TAF12: variants seen among roughly 807,000 people sequenced by gnomAD.
TAF12 encodes transcription initiation factor TFIID subunit 12.
In TAF12, 3 loss-of-function variants were observed where a neutral mutation model predicts 20.8. The ratio of observed to expected loss-of-function variants is 0.14; its 90% CI spans 0.07 to 0.37. The LOEUF is 0.37. Ranked by LOEUF, TAF12 falls within the 10% of genes least tolerant of loss-of-function variation. The pLI is 1.00. For missense variants in TAF12, 131 were observed against 197.9 expected (o/e 0.66, Z 2.03); for synonymous variants, 69 against 70.2 (o/e 0.98, Z 0.09).
chr1:28,626,302 G>C (rs1667389259), intron 1 of TAF12, among the ~76,000 whole-genome samples: 1 of 151,816 alleles, frequency 6.6e-6, no homozygotes, highest in African/African-American at 2.4e-5. Flanking sequence ...TTTTAGGGCT[G>C]GGCACAGTGG....
intron 5 of TAF12, among the ~76,000 whole-genome samples, chr1:28,603,908 CT>C (rs199949896): frequency 1.5e-3 from 215 of 143,532 alleles, no homozygotes; most frequent in Admixed American, 1.8e-3. Context: ...TTCTTTCTTT[CT>C]TTTTTTTTTT....
rs375486407 is a variant in TAF12, at chr1:28,639,707, A to G, written c.-85+3285T>C. Among the ~76,000 whole-genome samples the G allele has an allele frequency of 3.3e-5, 5 of 152,320 alleles. No homozygotes were observed. In the East Asian group the frequency reaches 7.7e-4, roughly 23 times the overall value. The stretch of plus-strand genomic sequence containing the variant: ...AAGTTAGTTTTGATCATTTATATAT[A>G]ATAGGCGCTTGCAAATAGTACAGGC... On this transcript the variant is annotated intron_variant, in intron 1 of 5. Coordinates refer to ENST00000373824, the MANE Select transcript of TAF12 (RefSeq NM_005644.4).
intron 1 of TAF12, among the ~76,000 whole-genome samples, chr1:28,631,920 G>A (rs183263483): frequency 2.0e-5 from 3 of 152,282 alleles, no homozygotes; most frequent in Admixed American, 6.5e-5. Flanking sequence ...CTTGAAGACA[G>A]TTTGGTAGTT....
chr1:28,616,741 T>A (rs9426290), intron 3 of TAF12, among the ~76,000 whole-genome samples: 30,390 of 151,300 alleles, frequency 0.2, 3,767 homozygotes, highest in Middle Eastern at 0.31. Context: ...CTCAAAAAAA[T>A]AAATAAATAA....
upstream of TAF12, chr1:28,648,094 C>T: frequency 1.1e-6 from 1 of 901,594 alleles, no homozygotes; most frequent in Non-Finnish European, 1.3e-6. Context: ...CCTTGTGCTT[C>T]CACTGCACGC....
chr1:28,625,451 GACTCAA>G (rs1370032248), intron 1 of TAF12, among the ~76,000 whole-genome samples: 1 of 151,912 alleles, frequency 6.6e-6, no homozygotes, highest in Non-Finnish European at 1.5e-5. Flanking sequence ...GTTCACTGCA[GACTCAA>G]ACTCGTGGAC....
chr1:28,609,251 T>A (rs1666775839), intron 4 of TAF12, among the ~76,000 whole-genome samples: 1 of 151,460 alleles, frequency 6.6e-6, no homozygotes, highest in African/African-American at 2.4e-5. Context: ...TAATTTTGTA[T>A]TTTTAGTAGA....
intron 1 of TAF12, among the ~76,000 whole-genome samples, chr1:28,637,102 A>G (rs1281763688): frequency 6.6e-6 from 1 of 152,132 alleles, no homozygotes; most frequent in Admixed American, 6.6e-5. Flanking sequence ...AGAATGGTGG[A>G]TTGGAAAAAA....
At chr1:28,647,989 A>T (rs1224269575), upstream of TAF12, among the ~76,000 whole-genome samples, 4 of 141,428 alleles carry the variant, frequency 2.8e-5, no homozygotes, top group South Asian at 2.1e-4. Context: ...CACTCGATTT[A>T]AAAAAAAAAA....
chr1:28,612,308 G>C (rs1411808028), intron 4 of TAF12, among the ~76,000 whole-genome samples: 1 of 151,804 alleles, frequency 6.6e-6, no homozygotes, highest in Non-Finnish European at 1.5e-5. Flanking sequence ...AAATTAGCCA[G>C]GTGTGGTGGT....
chr1:28,605,640 G>A (rs959131950), intron 4 of TAF12, among the ~76,000 whole-genome samples, 180 bp from the exon 5 acceptor site: 2 of 150,702 alleles, frequency 1.3e-5, no homozygotes, highest in African/African-American at 4.9e-5. Flanking sequence ...CTTTTTTTTT[G>A]GAGACAGGGT....
At chr1:28,635,229 CAAATAAAT>C (rs923367570) in intron 1 of TAF12, among the ~76,000 whole-genome samples, 2 of 140,066 alleles carry the variant, frequency 1.4e-5, no homozygotes, top group African/African-American at 5.2e-5. Flanking sequence ...GACTCCGTCT[CAAATAAAT>C]AAATAAATAA....
chr1:28,610,828 C>T (rs759146220), intron 4 of TAF12, among the ~76,000 whole-genome samples: 4 of 151,658 alleles, frequency 2.6e-5, no homozygotes, highest in Non-Finnish European at 2.9e-5. Flanking sequence ...GGCATGGTGG[C>T]GTGTGCCTGT....
At chr1:28,630,367 C>G (rs886351313) in intron 1 of TAF12, among the ~76,000 whole-genome samples, 4 of 151,994 alleles carry the variant, frequency 2.6e-5, no homozygotes, top group Non-Finnish European at 5.9e-5. Context: ...CCAGCCTGAC[C>G]AACATGGTGA....
At chr1:28,611,557 GAC>G (rs57297579) in intron 4 of TAF12, among the ~76,000 whole-genome samples, 33,733 of 151,740 alleles carry the variant, frequency 0.22, 3,809 homozygotes, top group African/African-American at 0.28. Flanking sequence ...CAGAGACAGA[GAC>G]ACAGAGGGAA....
At chr1:28,605,664 C>T (rs1433507038) in intron 4 of TAF12, among the ~76,000 whole-genome samples, 1 of 152,142 alleles carries the variant, frequency 6.6e-6, no homozygotes, top group Non-Finnish European at 1.5e-5. Flanking sequence ...CCCACTCTGT[C>T]ACCCAGAGTG....
At chr1:28,639,118 A>G (rs1667945396) in intron 1 of TAF12, among the ~76,000 whole-genome samples, 1 of 151,432 alleles carries the variant, frequency 6.6e-6, no homozygotes, top group Non-Finnish European at 1.5e-5. Flanking sequence ...TCTATTGCCC[A>G]GGCTGGAGTG....
intron 3 of TAF12, among the ~76,000 whole-genome samples, chr1:28,617,609 G>A (rs1386146663): frequency 6.6e-6 from 1 of 151,854 alleles, no homozygotes; most frequent in Non-Finnish European, 1.5e-5. Flanking sequence ...ACCATGCCCG[G>A]CTAATTTTGT....
At chr1:28,618,534 ATTTTTT>A (rs968347496) in intron 2 of TAF12, among the ~76,000 whole-genome samples, 1 of 125,704 alleles carries the variant, frequency 8.0e-6, no homozygotes, top group African/African-American at 3.1e-5. Context: ...TACCTGGCTA[ATTTTTT>A]TTTTTTTTTT....
Sources: allele counts gnomAD v4.1 joint callset (sites outside exome capture counted in the v4.1 genomes callset), GRCh38; gene constraint gnomAD v4.1.1; transcripts MANE v1.5; gene names NCBI Gene and HGNC (gene_info 2026-07-23, HGNC 2026-07-21).